KIAA1328: variants seen among roughly 807,000 people sequenced by gnomAD.
KIAA1328 encodes KIAA1328.
Under a neutral mutation model 68.1 loss-of-function variants are expected in KIAA1328, and 52 were observed. The ratio of observed to expected loss-of-function variants is 0.76; its 90% CI spans 0.61 to 0.96. The LOEUF (loss-of-function observed/expected upper bound fraction) is 0.96, where lower values mean the gene tolerates loss of function less well. Among genes scored for constraint, KIAA1328 ranks in the 40% least tolerant of loss-of-function variants. The probability of loss-of-function intolerance (pLI) is 0.00; values close to 1 mark genes in which losing one functional copy is unlikely to be tolerated. For missense variants in KIAA1328, 641 were observed against 677.6 expected (o/e 0.95, Z 0.60); for synonymous variants, 232 against 239.4 (o/e 0.97, Z 0.28).
chr18:37,168,642 A>G (rs879061683), intron 8 of KIAA1328, among the ~76,000 whole-genome samples: 1 of 152,248 alleles, frequency 6.6e-6, no homozygotes, highest in Non-Finnish European at 1.5e-5. Flanking sequence ...CAAAAGCAAC[A>G]AAACTAAATG....
chr18:37,099,928 G>A (rs866599793), intron 7 of KIAA1328, among the ~76,000 whole-genome samples: 1 of 152,020 alleles, frequency 6.6e-6, no homozygotes, highest in Non-Finnish European at 1.5e-5. Context: ...CATTTGCTTG[G>A]TAGATCTCCC....
In KIAA1328 at chr18:36,829,161, C is replaced by A. The variant is rs1203596631; in HGVS notation, c.23C>A (p.Ser8Tyr). The A allele has an allele frequency of 6.5e-7, 1 of 1,533,690 alleles. No individual in the cohort carries two copies. The highest frequency in any genetic ancestry group is 1.2e-5 in the South Asian group (1 of 82,528). The part of the protein sequence containing the change: MADVAGP[S>Y]RPSAAAFWSR... ...AAGATGGCGGACGTGGCGGGCCCCT[C>A]CCGCCCCAGTGCCGCGGCGTTCTGG... The change falls in exon 1 of 10, where the codon TCC becomes TAC. Residue 8 changes from serine (S) to tyrosine (Y), a missense_variant. Transcript: ENST00000280020.
chr18:36,849,990 A>G (rs920753386), intron 4 of KIAA1328, among the ~76,000 whole-genome samples: 2 of 152,106 alleles, frequency 1.3e-5, no homozygotes, highest in Non-Finnish European at 2.9e-5. Context: ...ATTTGTATAT[A>G]TCCTCTTTGA....
intron 5 of KIAA1328, among the ~76,000 whole-genome samples, chr18:36,936,533 GT>G (rs1378141791): frequency 6.6e-6 from 1 of 152,108 alleles, no homozygotes; most frequent in Non-Finnish European, 1.5e-5. Flanking sequence ...ATTTGGGTTG[GT>G]TCCATGTCTT....
intron 6 of KIAA1328, among the ~76,000 whole-genome samples, chr18:36,995,135 G>A (rs377176486): frequency 1.3e-5 from 2 of 152,056 alleles, no homozygotes; most frequent in African/African-American, 4.8e-5. Context: ...AGGCCCCGGT[G>A]TGTGATGTTC....
intron 8 of KIAA1328, among the ~76,000 whole-genome samples, chr18:37,171,166 G>A (rs563164011): frequency 6.6e-6 from 1 of 152,236 alleles, no homozygotes; most frequent in African/African-American, 2.4e-5. Flanking sequence ...CATATAGTAT[G>A]TGTTAGCAGT....
intron 9 of KIAA1328, among the ~76,000 whole-genome samples, chr18:37,221,385 G>A (rs2060559995): frequency 6.6e-6 from 1 of 152,176 alleles, no homozygotes. Flanking sequence ...AGACTGAACT[G>A]AGACACTGAA....
At chr18:36,888,908 A>C (rs545291100) in intron 5 of KIAA1328, among the ~76,000 whole-genome samples, 1 of 152,324 alleles carries the variant, frequency 6.6e-6, no homozygotes, top group Non-Finnish European at 1.5e-5. Flanking sequence ...TCTGTGTGAG[A>C]AACTATATCC....
chr18:36,961,344 T>A (rs1422629947), intron 6 of KIAA1328, among the ~76,000 whole-genome samples: 1 of 152,166 alleles, frequency 6.6e-6, no homozygotes, highest in Non-Finnish European at 1.5e-5. Flanking sequence ...ATTTGGTTGG[T>A]GTACCTGAAA....
At chr18:37,174,638 G>A (rs1044591696) in intron 9 of KIAA1328, among the ~76,000 whole-genome samples, 11 of 150,686 alleles carry the variant, frequency 7.3e-5, no homozygotes, top group Admixed American at 1.3e-4. Flanking sequence ...CTGTCACCCA[G>A]GCTGAAGTGC....
intron 7 of KIAA1328, among the ~76,000 whole-genome samples, chr18:37,094,714 G>A (rs2057357400): frequency 6.6e-6 from 1 of 152,118 alleles, no homozygotes; most frequent in South Asian, 2.1e-4. Context: ...AATTATAGGA[G>A]CAATTCCTCA....
chr18:37,224,471 T>G lies in KIAA1328; in HGVS notation c.*2244T>G, dbSNP rs142978608. On this transcript the variant is annotated 3_prime_UTR_variant, in exon 10 of 10. Coordinates refer to ENST00000280020, the MANE Select transcript of KIAA1328 (RefSeq NM_020776.3). ...TGCAAAACTCATCACCAGTTGCCTT[T>G]TTCTAACTTAATGGACATTTTGTTG... The G allele has an allele frequency of 6.7e-4, 664 of 985,464 alleles. 2 individuals carry two copies. The African/African-American group carries it at 0.01, about 15-fold the overall frequency. 61.0% of individuals were successfully genotyped at this position (985,464 alleles called of 1,614,324 possible).
intron 9 of KIAA1328, among the ~76,000 whole-genome samples, chr18:37,189,134 T>C (rs2059857153): frequency 1.3e-5 from 2 of 152,194 alleles, no homozygotes; most frequent in South Asian, 4.1e-4. Context: ...AGAAAACATT[T>C]CTCTGTTAAC....
chr18:36,845,753 A>G (rs2047006196), intron 4 of KIAA1328, among the ~76,000 whole-genome samples: 1 of 151,826 alleles, frequency 6.6e-6, no homozygotes, highest in East Asian at 1.9e-4. Context: ...CGAATGAAAC[A>G]AAGAGTCTAG....
intron 7 of KIAA1328, among the ~76,000 whole-genome samples, chr18:37,115,088 A>G (rs1261760043): frequency 6.6e-6 from 1 of 152,202 alleles, no homozygotes; most frequent in Non-Finnish European, 1.5e-5. Flanking sequence ...CAGAGGTACA[A>G]AGTGGAGCTG....
chr18:36,951,966 G>C (rs1156279712), intron 5 of KIAA1328, among the ~76,000 whole-genome samples: 1 of 152,126 alleles, frequency 6.6e-6, no homozygotes, highest in Non-Finnish European at 1.5e-5. Context: ...ATGCAAATTA[G>C]CTGTAAGTCA....
In KIAA1328 at chr18:37,164,148, G is replaced by A. The variant is rs575307779; in HGVS notation, c.1414+3767G>A. On this transcript the variant is annotated intron_variant, in intron 8 of 9. Transcript: ENST00000280020. Reference sequence around the variant, plus strand: ...ATTATATATGTTTTGTATCTTCTCCGTCAGAATATAAGTTCCATATGTTCA... The same window carrying A: ...ATTATATATGTTTTGTATCTTCTCCATCAGAATATAAGTTCCATATGTTCA... 1.8e-4 allele frequency among the ~76,000 whole-genome samples: 28 copies of A among 152,110 alleles called. 1 individual carries two copies. The highest frequency in any genetic ancestry group is 5.9e-4 in the Admixed American group (9 of 15,284).
chr18:36,933,774 C>T (rs1423696037), intron 5 of KIAA1328, among the ~76,000 whole-genome samples: 6 of 152,212 alleles, frequency 3.9e-5, no homozygotes, highest in East Asian at 1.9e-4. Flanking sequence ...ATTGTACACA[C>T]GCTCCTGTGG....
chr18:37,161,371 T>C (rs952183145), intron 8 of KIAA1328, among the ~76,000 whole-genome samples: 14 of 152,208 alleles, frequency 9.2e-5, no homozygotes, highest in African/African-American at 3.4e-4. Context: ...TTGTGATTAA[T>C]CTAGAAATTG....
Sources: allele counts gnomAD v4.1 joint callset (sites outside exome capture counted in the v4.1 genomes callset), GRCh38; gene constraint gnomAD v4.1.1; transcripts MANE v1.5; gene names NCBI Gene and HGNC (gene_info 2026-07-23, HGNC 2026-07-21).